The following VRK1 variants were observed in gnomAD, a reference collection of about 807,000 sequenced individuals.
VRK1 encodes VRK serine/threonine kinase 1, also known as serine/threonine-protein kinase VRK1.
VRK1 carries 33 observed loss-of-function variants against 57.1 expected under a neutral mutation model. That is an observed-to-expected ratio of 0.58 (90% confidence interval 0.44 to 0.77). VRK1 has a LOEUF of 0.77. VRK1 is among the 30% of genes least tolerant of loss of function. The pLI is 0.00. For synonymous variants in VRK1, 137 were observed against 147.8 expected (o/e 0.93, Z 0.53); for missense variants, 413 against 477.3 (o/e 0.87, Z 1.25).
chr14:96,806,705 A>G (rs1885892462), intron 1 of VRK1, among the ~76,000 whole-genome samples: 1 of 152,196 alleles, frequency 6.6e-6, no homozygotes, highest in Admixed American at 6.5e-5. Context: ...GTGTTCAATA[A>G]ATGTTTGTCA....
At chr14:96,830,939 G>A (rs1031183292) in intron 1 of VRK1, among the ~76,000 whole-genome samples, 3 of 152,220 alleles carry the variant, frequency 2.0e-5, no homozygotes, top group Non-Finnish European at 4.4e-5. Flanking sequence ...TCCTCAGCCT[G>A]AGGCTTTGAC....
At chr14:96,854,282 A>G (rs966737556) in intron 7 of VRK1, among the ~76,000 whole-genome samples, 4 of 152,200 alleles carry the variant, frequency 2.6e-5, no homozygotes, top group Non-Finnish European at 5.9e-5. Flanking sequence ...GTACAGTATA[A>G]TAAAATACAA....
chr14:96,878,998 G>A (rs1247597794), intron 12 of VRK1, among the ~76,000 whole-genome samples: 1 of 151,952 alleles, frequency 6.6e-6, no homozygotes, highest in African/African-American at 2.4e-5. Context: ...CTTGGATTTT[G>A]GACCATTCCT....
At position 96,838,141 on chromosome 14, in the gene VRK1, A is replaced by G. The variant is rs534537706; in HGVS notation, c.216+324A>G. Among the ~76,000 whole-genome samples the G allele has an allele frequency of 3.9e-5, 6 of 152,220 alleles. No individual in the cohort carries two copies. In the South Asian group the frequency reaches 1.2e-3, roughly 32 times the overall value. On this transcript the variant is annotated intron_variant, in intron 3 of 12. Coordinates refer to ENST00000216639, the MANE Select transcript of VRK1 (RefSeq NM_003384.3). ...TGGATACTTTTTATATTTATATCCTATAAGACTATACTAATTTAATATAAT... is the reference window on the plus strand; with the variant it reads ...TGGATACTTTTTATATTTATATCCTGTAAGACTATACTAATTTAATATAAT...
intron 1 of VRK1, among the ~76,000 whole-genome samples, chr14:96,802,436 C>T (rs1262800320): frequency 1.3e-5 from 2 of 152,152 alleles, no homozygotes; most frequent in Non-Finnish European, 2.9e-5. Flanking sequence ...AAGAAACAAA[C>T]TGTTGGTTCA....
intron 3 of VRK1, among the ~76,000 whole-genome samples, chr14:96,839,090 T>G (rs574226150): frequency 6.6e-5 from 10 of 151,534 alleles, no homozygotes; most frequent in African/African-American, 2.4e-4. Context: ...TTGAGTTTTT[T>G]TTTTTTTTTT....
At chr14:96,860,433 A>G (rs1566713005) in intron 10 of VRK1, 124 bp from the exon 11 acceptor site, 14 of 911,506 alleles carry the variant, frequency 1.5e-5, no homozygotes, top group Non-Finnish European at 2.1e-5. Flanking sequence ...AGTGATTGAA[A>G]AAAATAGGTA....
chr14:96,816,811 T>G (rs537791190), intron 1 of VRK1, among the ~76,000 whole-genome samples: 5 of 152,226 alleles, frequency 3.3e-5, no homozygotes, highest in Admixed American at 2.0e-4. Flanking sequence ...TCAAAGAGAC[T>G]CAAAGACACA....
intron 3 of VRK1, among the ~76,000 whole-genome samples, chr14:96,838,432 C>T (rs995829455): frequency 6.6e-6 from 1 of 152,058 alleles, no homozygotes; most frequent in East Asian, 1.9e-4. Flanking sequence ...AATTATGTGC[C>T]TTTTTGCTTA....
At chr14:96,805,585 A>G (rs1885839692) in intron 1 of VRK1, among the ~76,000 whole-genome samples, 2 of 152,154 alleles carry the variant, frequency 1.3e-5, no homozygotes, top group African/African-American at 4.8e-5. Flanking sequence ...AAAGATTATC[A>G]TGGCTGTAGA....
chr14:96,874,763 C>T (rs140528820), intron 11 of VRK1, among the ~76,000 whole-genome samples: 126 of 152,180 alleles, frequency 8.3e-4, no homozygotes, highest in Non-Finnish European at 1.2e-3. Flanking sequence ...CAGTTCTGAC[C>T]GTTTGGAGGT....
intron 8 of VRK1, 46 bp downstream of exon 8, chr14:96,855,402 AC>A: frequency 6.2e-7 from 1 of 1,613,434 alleles, no homozygotes; most frequent in East Asian, 2.2e-5. Context: ...TAATGTTTTC[AC>A]CCAGATTCCT....
intron 3 of VRK1, among the ~76,000 whole-genome samples, chr14:96,845,316 A>G (rs1270155873): frequency 1.3e-5 from 2 of 152,232 alleles, no homozygotes; most frequent in Admixed American, 6.5e-5. Flanking sequence ...CCACAGAATT[A>G]TAAGATCTTT....
intron 3 of VRK1, among the ~76,000 whole-genome samples, chr14:96,840,603 A>G (rs1595666095): frequency 6.6e-6 from 1 of 152,330 alleles, no homozygotes; most frequent in Admixed American, 6.5e-5. Flanking sequence ...TGTTTTTGAT[A>G]ATACAAATTA....
chr14:96,865,503 G>A (rs903105073), intron 11 of VRK1, among the ~76,000 whole-genome samples: 2 of 151,870 alleles, frequency 1.3e-5, no homozygotes, highest in African/African-American at 2.4e-5. Flanking sequence ...GCTATTCTTC[G>A]CTCTTTGAAT....
In VRK1 at chr14:96,852,894, C is replaced by T. The variant is rs1888005161; in HGVS notation, c.438C>T (p.Ala146=). Residue 146 remains alanine (A), a synonymous_variant, in exon 6 of 13, where the codon GCC becomes GCT. Transcript: ENST00000216639. ...SDLQKIYEAN[A]KRFSRKTVLQ... is the part of the protein sequence containing the mutation. ...TTCAGAAAATATATGAAGCAAATGC[C>T]AAAAGGTTTTCTCGGAAAACTGTCT... The T allele has an allele frequency of 6.2e-7, 1 of 1,613,792 alleles. No individual in the cohort carries two copies. Among genetic ancestry groups the T allele is most frequent in the Non-Finnish European group, 8.5e-7 (1 of 1,179,858 alleles).
chr14:96,821,665 A>G (rs1374169662), intron 1 of VRK1, among the ~76,000 whole-genome samples: 3 of 152,194 alleles, frequency 2.0e-5, no homozygotes, highest in African/African-American at 7.2e-5. Flanking sequence ...AGAGTGATCC[A>G]TTCAAAGTGC....
At position 96,856,231 on chromosome 14, in the gene VRK1, G is replaced by A; in HGVS notation, c.811G>A (p.Val271Ile). The A allele has an allele frequency of 3.1e-6, 5 of 1,613,428 alleles. No homozygotes were observed. In the South Asian group the frequency reaches 5.5e-5, roughly 18 times the overall value. Residue 271 changes from valine to isoleucine, a missense_variant, in exon 9 of 13, where the codon GTT becomes ATT. Physicochemically the swap from Val to Ile is conservative, Grantham distance 29. This residue lies in a region of VRK1 where 151 missense variants were observed against 225.5 expected (regional missense o/e 0.67). Transcript: ENST00000216639. ...WEDNLKDPKY[V>I]RDSKIRYREN... ...GGATAATTTGAAAGATCCTAAATAT[G>A]TTAGAGATTCCAAAATTAGGTAAAG...
intron 7 of VRK1, among the ~76,000 whole-genome samples, chr14:96,854,586 G>A (rs1462967351): frequency 6.6e-6 from 1 of 152,036 alleles, no homozygotes. Flanking sequence ...CCACGAATAA[G>A]TATGTATATA....
Sources: gnomAD v4.1 joint callset for allele counts (sites outside exome capture counted in the v4.1 genomes callset) on GRCh38, gnomAD v4.1.1 for gene constraint, gnomAD v4.1.1 regional missense constraint, MANE v1.5 for transcripts, NCBI Gene and HGNC (gene_info 2026-07-23, HGNC 2026-07-21) for gene names.